Variants in TOX3 observed in about 807,000 individuals in gnomAD.
TOX3 encodes TOX high mobility group box family member 3, also known as CAG trinucleotide repeat-containing gene F9 protein.
A neutral mutation model predicts 64.3 loss-of-function variants in TOX3; 22 were observed. That is an observed-to-expected ratio of 0.34 (90% CI 0.24 to 0.49). The LOEUF is 0.49. Among genes scored for constraint, TOX3 ranks in the 20% least tolerant of loss-of-function variants. The probability of loss-of-function intolerance (pLI) is 0.99; values close to 1 mark genes in which losing one functional copy is unlikely to be tolerated. For missense variants in TOX3, 661 were observed against 714.4 expected (o/e 0.93, Z 0.85); for synonymous variants, 291 against 273.6 (o/e 1.06, Z -0.63).
intron 1 of TOX3, among the ~76,000 whole-genome samples, chr16:52,533,461 T>C (rs1303089785): frequency 6.6e-6 from 1 of 152,216 alleles, no homozygotes; most frequent in Admixed American, 6.5e-5. Flanking sequence ...GCCTTGGTAC[T>C]AAGCCATCTT....
At chr16:52,494,639 C>G (rs1168528072) in intron 1 of TOX3, among the ~76,000 whole-genome samples, 3 of 152,200 alleles carry the variant, frequency 2.0e-5, no homozygotes, top group Admixed American at 1.3e-4. Context: ...TTAAATCCAT[C>G]TCTCTAACAA....
chr16:52,493,292 C>T (rs940176615), intron 1 of TOX3, among the ~76,000 whole-genome samples: 2 of 152,156 alleles, frequency 1.3e-5, no homozygotes, highest in Non-Finnish European at 2.9e-5. Flanking sequence ...GCCACACCTA[C>T]ACACACATCG....
chr16:52,487,619 G>T (rs1185953733), intron 1 of TOX3, among the ~76,000 whole-genome samples: 1 of 152,164 alleles, frequency 6.6e-6, no homozygotes, highest in African/African-American at 2.4e-5. Flanking sequence ...TTAAAGGATT[G>T]TTTTTGTCTC....
chr16:52,523,879 A>C lies in TOX3; in HGVS notation c.87+22758T>G, dbSNP rs1596857783. ...ATGAATTGTGACTTTTATAGTGAAAATGTCAGTCTTTGCAGTTCATTAGAT... is the reference window on the plus strand; with the variant it reads ...ATGAATTGTGACTTTTATAGTGAAACTGTCAGTCTTTGCAGTTCATTAGAT... On this transcript the variant is annotated intron_variant, in intron 1 of 6. Transcript: ENST00000219746. 2.6e-5 allele frequency among the ~76,000 whole-genome samples: 4 copies of C among 152,214 alleles called. No individual in the cohort carries two copies. The East Asian group carries it at 7.7e-4, about 29-fold the overall frequency.
chr16:52,546,725 C>G lies in TOX3; in HGVS notation c.-2G>C. On this transcript the variant is annotated 5_prime_UTR_variant, in exon 1 of 7. Transcript: ENST00000219746. ...CGCGGGGTAGAACCTCACATCCATG[C>G]CGAAGCTGGGCCCGGGGCCGGGGGC... 2 of 1,514,970 alleles carry G rather than the reference C, an allele frequency of 1.3e-6. No homozygotes were observed. The highest frequency in any genetic ancestry group is 1.8e-6 in the Non-Finnish European group (2 of 1,136,312). The allele number at this position is 1,514,970 out of a possible 1,614,324, so 93.8% of individuals were successfully genotyped here.
chr16:52,505,967 C>T (rs372724006), intron 1 of TOX3, among the ~76,000 whole-genome samples: 1 of 152,100 alleles, frequency 6.6e-6, no homozygotes, highest in Non-Finnish European at 1.5e-5. Flanking sequence ...CAGAGCAAGA[C>T]CCTGTCTCAA....
At chr16:52,443,037 C>G (rs974431401) in intron 6 of TOX3, among the ~76,000 whole-genome samples, 1 of 152,132 alleles carries the variant, frequency 6.6e-6, no homozygotes, top group African/African-American at 2.4e-5. Context: ...AATCCATATA[C>G]GGTCAATTAT....
At chr16:52,484,432 G>GA (rs929859668) in intron 1 of TOX3, among the ~76,000 whole-genome samples, 4 of 151,824 alleles carry the variant, frequency 2.6e-5, no homozygotes, top group African/African-American at 7.3e-5. Flanking sequence ...TCTGCAATCA[G>GA]AAAAAAAGTA....
chr16:52,490,426 C>G (rs887837332), intron 1 of TOX3, among the ~76,000 whole-genome samples: 1 of 151,962 alleles, frequency 6.6e-6, no homozygotes, highest in Non-Finnish European at 1.5e-5. Context: ...ATCTTTATTT[C>G]CATTTGTCAT....
chr16:52,504,923 C>T (rs1223284298), intron 1 of TOX3, among the ~76,000 whole-genome samples: 1 of 152,282 alleles, frequency 6.6e-6, no homozygotes, highest in Non-Finnish European at 1.5e-5. Context: ...CAACCTCTGC[C>T]TCCCGGGTTC....
chr16:52,450,156 C>T (rs1388556807), intron 4 of TOX3, 121 bp downstream of exon 4: 3 of 1,171,154 alleles, frequency 2.6e-6, no homozygotes, highest in Middle Eastern at 2.2e-4. Context: ...AACCATCATA[C>T]ATTTAAATGC....
intron 1 of TOX3, among the ~76,000 whole-genome samples, chr16:52,543,137 T>C (rs1963110456): frequency 6.6e-6 from 1 of 152,220 alleles, no homozygotes; most frequent in Non-Finnish European, 1.5e-5. Flanking sequence ...ACCCACTGTA[T>C]GATTTCACCT....
At chr16:52,447,410 C>A (rs73583122) in intron 4 of TOX3, among the ~76,000 whole-genome samples, 3,814 of 152,232 alleles carry the variant, frequency 0.025, 178 homozygotes, top group African/African-American at 0.086. Flanking sequence ...TTGGAACTTT[C>A]ACTAAATTTT....
intron 1 of TOX3, among the ~76,000 whole-genome samples, chr16:52,536,610 A>G (rs538418776): frequency 1.6e-5 from 2 of 128,592 alleles, no homozygotes; most frequent in East Asian, 4.4e-4. Flanking sequence ...CATCTTTTCT[A>G]CTGAAATAGA....
intron 1 of TOX3, among the ~76,000 whole-genome samples, chr16:52,496,364 G>T (rs968470962): frequency 6.6e-6 from 1 of 152,112 alleles, no homozygotes; most frequent in Non-Finnish European, 1.5e-5. Context: ...CTGAGCACAC[G>T]CAACATACTA....
intron 1 of TOX3, among the ~76,000 whole-genome samples, chr16:52,513,835 A>C (rs964135500): frequency 6.6e-6 from 1 of 152,216 alleles, no homozygotes; most frequent in Admixed American, 6.5e-5. Flanking sequence ...TGCATTTTAT[A>C]TATGTTATTC....
At chr16:52,500,420 T>C (rs963028044) in intron 1 of TOX3, among the ~76,000 whole-genome samples, 1 of 152,212 alleles carries the variant, frequency 6.6e-6, no homozygotes, top group Non-Finnish European at 1.5e-5. Flanking sequence ...TTCGATCATA[T>C]GAAGCAATAA....
intron 1 of TOX3, among the ~76,000 whole-genome samples, chr16:52,511,782 A>G (rs570854231): frequency 6.6e-6 from 1 of 152,362 alleles, no homozygotes; most frequent in South Asian, 2.1e-4. Context: ...GTCAGAAAAC[A>G]AGTAGTTTGA....
At chr16:52,454,173 C>T (rs1960444734) in intron 3 of TOX3, among the ~76,000 whole-genome samples, 1 of 152,050 alleles carries the variant, frequency 6.6e-6, no homozygotes, top group Admixed American at 6.5e-5. Flanking sequence ...GCCATCATCC[C>T]CCTTTAACAA....
Sources: allele counts gnomAD v4.1 joint callset (sites outside exome capture counted in the v4.1 genomes callset), GRCh38; gene constraint gnomAD v4.1.1; transcripts MANE v1.5; gene names NCBI Gene and HGNC (gene_info 2026-07-23, HGNC 2026-07-21).